Variants in SYT16 observed in about 807,000 individuals in gnomAD.
SYT16 encodes synaptotagmin-16.
In SYT16, 42 loss-of-function variants were observed where a neutral mutation model predicts 61.4. The ratio of observed to expected loss-of-function variants is 0.68; its 90% CI spans 0.53 to 0.89. The LOEUF (loss-of-function observed/expected upper bound fraction) is 0.89. Ranked by LOEUF, SYT16 falls within the 40% of genes least tolerant of loss-of-function variation. The pLI is 0.00. For synonymous variants in SYT16, 314 were observed against 302.3 expected, an observed-to-expected ratio of 1.04 and a Z score of -0.40; for missense variants, 804 against 807.3, an observed-to-expected ratio of 1.00 and a Z score of 0.05.
At chr14:62,079,668 A>G (rs1217770769) in intron 5 of SYT16, among the ~76,000 whole-genome samples, 3 of 152,254 alleles carry the variant, frequency 2.0e-5, no homozygotes, top group African/African-American at 4.8e-5. Flanking sequence ...GTTCAATTGC[A>G]TAAATAAGAA....
chr14:61,933,858 A>T (rs910918621), intron 1 of SYT16, among the ~76,000 whole-genome samples: 18 of 152,234 alleles, frequency 1.2e-4, no homozygotes, highest in African/African-American at 3.9e-4. Flanking sequence ...ATATTTAAAA[A>T]TACTTATATT....
At chr14:61,900,407 C>T (rs1367243441) in intron 1 of SYT16, among the ~76,000 whole-genome samples, 1 of 152,194 alleles carries the variant, frequency 6.6e-6, no homozygotes. Context: ...ATCCACCCAC[C>T]TCAGCCTTCC....
At chr14:62,017,958 C>G (rs752153149) in intron 3 of SYT16, among the ~76,000 whole-genome samples, 6 of 152,146 alleles carry the variant, frequency 3.9e-5, no homozygotes, top group Non-Finnish European at 8.8e-5. Context: ...TGAAGCAATC[C>G]TCTGGCTTCA....
At chr14:61,928,407 C>T (rs549805340) in intron 1 of SYT16, among the ~76,000 whole-genome samples, 65 of 152,308 alleles carry the variant, frequency 4.3e-4, no homozygotes, top group African/African-American at 1.4e-3. Context: ...TTCTTGTTTT[C>T]AGCTTTTAAC....
chr14:61,929,130 A>G (rs2049657924), intron 1 of SYT16, among the ~76,000 whole-genome samples: 1 of 152,198 alleles, frequency 6.6e-6, no homozygotes, highest in Admixed American at 6.5e-5. Flanking sequence ...ATTACTAGTA[A>G]AGACAGTTCA....
chr14:61,852,966 T>C (rs1442946237), intron 1 of SYT16, among the ~76,000 whole-genome samples: 1 of 152,224 alleles, frequency 6.6e-6, no homozygotes, highest in African/African-American at 2.4e-5. Context: ...TTGCCCAGAC[T>C]GGAGTGCAGG....
At chr14:61,890,338 G>T (rs2048075293) in intron 1 of SYT16, among the ~76,000 whole-genome samples, 1 of 152,078 alleles carries the variant, frequency 6.6e-6, no homozygotes, top group Non-Finnish European at 1.5e-5. Flanking sequence ...GGCGCTTTGG[G>T]TTTCCCTTCA....
intron 1 of SYT16, among the ~76,000 whole-genome samples, chr14:61,892,978 T>G (rs1432105826): frequency 6.6e-6 from 1 of 152,072 alleles, no homozygotes; most frequent in Non-Finnish European, 1.5e-5. Context: ...CTCAGTGTGG[T>G]GACTCAGGTG....
intron 1 of SYT16, among the ~76,000 whole-genome samples, chr14:61,893,740 G>A (rs1208926926): frequency 6.6e-6 from 1 of 152,166 alleles, no homozygotes; most frequent in Non-Finnish European, 1.5e-5. Flanking sequence ...GGGAAGTTCA[G>A]TGGTCACCAT....
In SYT16 at chr14:62,110,719, A is replaced by T. The variant is rs910555674; in HGVS notation, c.*10012A>T. 2.0e-5 allele frequency: 3 copies of T among 152,076 alleles called. No individual in the cohort carries two copies. Among genetic ancestry groups the T allele is most frequent in the African/African-American group, 4.8e-5 (2 of 41,450 alleles). 9.4% of individuals were successfully genotyped at this position (152,076 alleles called of 1,614,324 possible). ...TAACAAACTGCAAATCCATGTTTTC[A>T]GCAGGTTCGCCAACCTTTGAGTTGA... On this transcript the variant is annotated 3_prime_UTR_variant, in exon 8 of 8. Coordinates refer to ENST00000683842, the MANE Select transcript of SYT16 (RefSeq NM_001367656.1).
chr14:61,987,032 A>G (rs2052344919), intron 2 of SYT16, among the ~76,000 whole-genome samples: 1 of 152,182 alleles, frequency 6.6e-6, no homozygotes, highest in Admixed American at 6.5e-5. Flanking sequence ...TCAATAAGCT[A>G]CAATTATAGT....
chr14:62,047,126 G>A lies in SYT16; in HGVS notation c.524-22477G>A, dbSNP rs567700482. Reference sequence around the variant, plus strand: ...ATCCTCTTTCATTGTATTGTATCTTGTATTGTATCCTCTTTTATTTCATTG... The same window carrying A: ...ATCCTCTTTCATTGTATTGTATCTTATATTGTATCCTCTTTTATTTCATTG... On this transcript the variant is annotated intron_variant, in intron 3 of 7. Coordinates refer to ENST00000683842, the MANE Select transcript of SYT16 (RefSeq NM_001367656.1). 4.0e-5 allele frequency among the ~76,000 whole-genome samples: 6 copies of A among 151,236 alleles called. No homozygotes were observed. The South Asian group carries it at 1.3e-3, about 32-fold the overall frequency.
At chr14:62,064,532 C>T (rs2055975653) in intron 3 of SYT16, among the ~76,000 whole-genome samples, 1 of 152,000 alleles carries the variant, frequency 6.6e-6, no homozygotes, top group Non-Finnish European at 1.5e-5. Context: ...TCTTTTCCAG[C>T]CCAATATATG....
At chr14:61,930,940 A>C (rs2049742468) in intron 1 of SYT16, among the ~76,000 whole-genome samples, 1 of 152,146 alleles carries the variant, frequency 6.6e-6, no homozygotes, top group Non-Finnish European at 1.5e-5. Context: ...CCCTCCTCAC[A>C]CCTTGCTCTT....
Position 62,108,530 on chromosome 14 carries a change from T to A in SYT16, c.*7823T>A, listed in dbSNP as rs2057551054. 1 of 152,194 alleles carries A rather than the reference T, an allele frequency of 6.6e-6. No individual in the cohort carries two copies. Among genetic ancestry groups the A allele is most frequent in the African/African-American group, 2.4e-5 (1 of 41,466 alleles). The allele number at this position is 152,194 out of a possible 1,614,324, so 9.4% of individuals were successfully genotyped here. A position where few individuals can be genotyped will look rare whatever the true frequency, so the allele number is the denominator to read the frequency against. On this transcript the variant is annotated 3_prime_UTR_variant, in exon 8 of 8. Coordinates refer to ENST00000683842, the MANE Select transcript of SYT16 (RefSeq NM_001367656.1). Reference sequence around the variant, plus strand: ...TGAGAGTGTTTCTTTGTCAAGTTCCTTATAGCCAATGCCTTGACCAAAGCT... The same window carrying A: ...TGAGAGTGTTTCTTTGTCAAGTTCCATATAGCCAATGCCTTGACCAAAGCT...
rs1396958331 is a variant in SYT16, at chr14:62,106,219, T to C, written c.*5512T>C. On this transcript the variant is annotated 3_prime_UTR_variant, in exon 8 of 8. Transcript: ENST00000683842. ...CTCTTTGGAGTGCTATGAGTGCACA[T>C]TGAAGCAGTTGGTCATCATTATACA... is the stretch of plus-strand genomic sequence containing the variant. The C allele has an allele frequency of 6.6e-6, 1 of 152,222 alleles. No individual in the cohort carries two copies. Among genetic ancestry groups the C allele is most frequent in the African/African-American group, 2.4e-5 (1 of 41,450 alleles). The allele number at this position is 152,222 out of a possible 1,614,324, so 9.4% of individuals were successfully genotyped here. A position where few individuals can be genotyped will look rare whatever the true frequency, so the allele number is the denominator to read the frequency against.
intron 2 of SYT16, among the ~76,000 whole-genome samples, chr14:61,993,880 A>C (rs186430629): frequency 6.6e-6 from 1 of 152,136 alleles, no homozygotes; most frequent in African/African-American, 2.4e-5. Flanking sequence ...AGAATTCACT[A>C]TGTGCTCAGC....
chr14:62,107,429 C>T lies in SYT16; in HGVS notation c.*6722C>T, dbSNP rs373200046. 6.6e-5 allele frequency: 10 copies of T among 152,080 alleles called. No homozygotes were observed. Among genetic ancestry groups the T allele is most frequent in the African/African-American group, 1.2e-4 (5 of 41,444 alleles). The allele number at this position is 152,080 out of a possible 1,614,324, so 9.4% of individuals were successfully genotyped here. A position where few individuals can be genotyped will look rare whatever the true frequency, so the allele number is the denominator to read the frequency against. Reference sequence around the variant, plus strand: ...CCTGGGTAGCAGAGTGAGACTCTGTCTCAAAAAAACCAAAAAACAAGACCT... The same window carrying T: ...CCTGGGTAGCAGAGTGAGACTCTGTTTCAAAAAAACCAAAAAACAAGACCT... On this transcript the variant is annotated 3_prime_UTR_variant, in exon 8 of 8. Transcript: ENST00000683842.
At chr14:61,961,831 G>A (rs2051127793) in intron 1 of SYT16, among the ~76,000 whole-genome samples, 1 of 152,078 alleles carries the variant, frequency 6.6e-6, no homozygotes, top group Non-Finnish European at 1.5e-5. Flanking sequence ...GTTCATTGCA[G>A]CACCATTCAC....
Sources: gnomAD v4.1 joint callset for allele counts (sites outside exome capture counted in the v4.1 genomes callset) on GRCh38, gnomAD v4.1.1 for gene constraint, MANE v1.5 for transcripts, NCBI Gene and HGNC (gene_info 2026-07-23, HGNC 2026-07-21) for gene names.